CELSR1: variants seen among roughly 807,000 people sequenced by gnomAD.
CELSR1 encodes the protein adhesion G protein-coupled receptor C1.
A neutral mutation model predicts 249.1 loss-of-function variants in CELSR1; 110 were observed. The ratio of observed to expected loss-of-function variants is 0.44; its 90% CI spans 0.38 to 0.52. The LOEUF (loss-of-function observed/expected upper bound fraction) is 0.52, where lower values mean the gene tolerates loss of function less well. Ranked by LOEUF, CELSR1 falls within the 20% of genes least tolerant of loss-of-function variation. The probability of loss-of-function intolerance (pLI) is 0.00; values close to 1 mark genes in which losing one functional copy is unlikely to be tolerated. For missense variants in CELSR1, 4,109 were observed against 4,296.4 expected, an observed-to-expected ratio of 0.96 and a Z score of 1.22; for synonymous variants, 2,113 against 1,900.0, an observed-to-expected ratio of 1.11 and a Z score of -2.92.
At chr22:46,400,194 G>A (rs2079196274) in intron 9 of CELSR1, among the ~76,000 whole-genome samples, 1 of 151,322 alleles carries the variant, frequency 6.6e-6, no homozygotes, top group Admixed American at 6.6e-5. Context: ...GCTAGGTGTG[G>A]TGGTAGGTGC....
rs955718288 is a variant in CELSR1 at position 46,468,823 on chromosome 22, C to T, written c.3545-4478G>A. ...AGTCTCAGTGGCTCACGTCTGAAAT[C>T]CCAGCACTTTGGGAGGCCGAGGCGG... On this transcript the variant is annotated intron_variant, in intron 1 of 34. Transcript: ENST00000674500. The surrounding 1 kb of genome is among the most constrained non-coding windows in gnomAD (Gnocchi z 4.5). 6.6e-5 allele frequency among the ~76,000 whole-genome samples: 10 copies of T among 152,126 alleles called. No homozygotes were observed. The highest frequency in any genetic ancestry group is 2.2e-4 in the African/African-American group (9 of 41,434).
rs1047188281 is a variant in CELSR1 at position 46,417,199 on chromosome 22, C to A, written c.4612-5440G>T. ...GCCCCAGGAAATGTGGGCAAGACCC[C>A]GTGCCAGTTCTGGCATGGAGACGAC... On this transcript the variant is annotated intron_variant, in intron 5 of 34. Transcript: ENST00000674500. The surrounding 1 kb of genome is among the most constrained non-coding windows in gnomAD (Gnocchi z 4.1). Among the ~76,000 whole-genome samples the A allele has an allele frequency of 6.6e-6, 1 of 152,210 alleles. No homozygotes were observed. The highest frequency in any genetic ancestry group is 1.5e-5 in the Non-Finnish European group (1 of 68,034).
intron 1 of CELSR1, among the ~76,000 whole-genome samples, chr22:46,466,692 A>G (rs748142223): frequency 1.4e-4 from 22 of 152,350 alleles, no homozygotes; most frequent in Non-Finnish European, 2.9e-4. Context: ...CAGTCGACTC[A>G]TAGACCAACC....
Position 46,390,456 on chromosome 22 carries a change from T to C in CELSR1, c.6281A>G (p.Lys2094Arg). Residue 2094 changes from lysine to arginine, a missense_variant, in exon 17 of 35, where the codon AAG (lysine) becomes AGG (arginine). By Grantham distance (26) the Lys-to-Arg change is conservative (BLOSUM62 2). Coordinates refer to ENST00000674500, the MANE Select transcript of CELSR1 (RefSeq NM_001378328.1). The surrounding 1 kb of genome is among the most constrained non-coding windows in gnomAD (Gnocchi z 6.3). ...AAAGAGCTCTGGGGGCAGCCAGCCCTTCTCCCCGCTGCAGTGTCGGACCGC... is the reference window on the plus strand; with the variant it reads ...AAAGAGCTCTGGGGGCAGCCAGCCCCTCTCCCCGCTGCAGTGTCGGACCGC... ...GNAVRHCSGE[K>R]GWLPPELFNC... The C allele has an allele frequency of 1.9e-6, 3 of 1,613,930 alleles. No individual in the cohort carries two copies. The highest frequency in any genetic ancestry group is 2.5e-6 in the Non-Finnish European group (3 of 1,179,956).
rs757431212 is a variant in CELSR1 at position 46,374,158 on chromosome 22, G to C, written c.7585-1101C>G. 6.6e-6 allele frequency among the ~76,000 whole-genome samples: 1 copy of C among 152,230 alleles called. No individual in the cohort carries two copies. The highest frequency in any genetic ancestry group is 2.1e-4 in the South Asian group (1 of 4,836). On this transcript the variant is annotated intron_variant, in intron 24 of 34. Coordinates refer to ENST00000674500, the MANE Select transcript of CELSR1 (RefSeq NM_001378328.1). This position sits in a 1 kb window ranked among gnomAD's most constrained non-coding sequence, Gnocchi z 4.3. The stretch of plus-strand genomic sequence containing the variant: ...GACTGTGGCCTCGGTCAGGAAAGGA[G>C]GCGCGAGCGTGTGGCTGGAGAACTC...
chr22:46,468,721 G>T lies in CELSR1; in HGVS notation c.3545-4376C>A, dbSNP rs775388288. Among the ~76,000 whole-genome samples the T allele has an allele frequency of 3.3e-5, 5 of 152,188 alleles. No individual in the cohort carries two copies. Among genetic ancestry groups the T allele is most frequent in the Non-Finnish European group, 7.3e-5 (5 of 68,044 alleles). On this transcript the variant is annotated intron_variant, in intron 1 of 34. Coordinates refer to ENST00000674500, the MANE Select transcript of CELSR1 (RefSeq NM_001378328.1). This position sits in a 1 kb window ranked among gnomAD's most constrained non-coding sequence, Gnocchi z 4.5. ...CAAAGCTAATGTGCTTAATGCCACAGAACCACACACTTAAAAATGGTTAAA... is the reference window on the plus strand; with the variant it reads ...CAAAGCTAATGTGCTTAATGCCACATAACCACACACTTAAAAATGGTTAAA...
chr22:46,515,477 G>C (rs1030138405), intron 1 of CELSR1, among the ~76,000 whole-genome samples: 26 of 152,172 alleles, frequency 1.7e-4, no homozygotes, highest in Non-Finnish European at 3.5e-4. Context: ...ACAGAAAATA[G>C]GAAAGCATGA....
rs758369104 is a variant in CELSR1 at position 46,397,537 on chromosome 22, TATAAA to T, written c.5701+132_5701+136del. On this transcript the variant is annotated intron_variant, in intron 12 of 34. Transcript: ENST00000674500. Reference sequence around the variant, plus strand: ...CTCTCTCTAGGAGGGGCCCGCTTGTTATAAAATAAAGCTCAGGGCTCCACGGAACC... The same window carrying T: ...CTCTCTCTAGGAGGGGCCCGCTTGTTATAAAGCTCAGGGCTCCACGGAACC... 3.3e-4 allele frequency: 258 copies of T among 792,436 alleles called. 2 individuals carry two copies. The highest frequency in any genetic ancestry group is 7.9e-4 in the Middle Eastern group (2 of 2,546). 49.1% of individuals were successfully genotyped at this position (792,436 alleles called of 1,614,324 possible).
chr22:46,370,437 G>A (rs905107643), intron 25 of CELSR1, among the ~76,000 whole-genome samples: 2 of 151,668 alleles, frequency 1.3e-5, no homozygotes, highest in Admixed American at 6.6e-5. Context: ...ACACACCCCC[G>A]AAACTGCCTC....
In CELSR1 at chr22:46,436,405, G is replaced by A; in HGVS notation, c.4407-116C>T. 1 of 675,006 alleles carries A rather than the reference G, an allele frequency of 1.5e-6. No individual in the cohort carries two copies. The highest frequency in any genetic ancestry group is 2.6e-6 in the Non-Finnish European group (1 of 381,282). The allele number at this position is 675,006 out of a possible 1,614,324, so 41.8% of individuals were successfully genotyped here. On this transcript the variant is annotated intron_variant, in intron 3 of 34. Coordinates refer to ENST00000674500, the MANE Select transcript of CELSR1 (RefSeq NM_001378328.1). The surrounding 1 kb of genome is among the most constrained non-coding windows in gnomAD (Gnocchi z 5.9). ...GCACGTGGGGCTACGATTCAGGAAA[G>A]AATGGTGTCAGGCATGCGTCCTTCT... is the stretch of plus-strand genomic sequence containing the variant.
chr22:46,535,014 C>T lies in CELSR1; in HGVS notation c.2157G>A (p.Val719=). The T allele has an allele frequency of 1.2e-6, 2 of 1,612,384 alleles. No homozygotes were observed. Among genetic ancestry groups the T allele is most frequent in the East Asian group, 4.5e-5 (2 of 44,860 alleles). ...LQARDRDANS[V]ITYQLTGGNT... ...TGCCGCCTGTGAGCTGGTAGGTAAT[C>T]ACACTGTTGGCGTCACGGTCGCGGG... is the stretch of plus-strand genomic sequence containing the variant. Residue 719 remains valine (V), a synonymous_variant, in exon 1 of 35, where the codon GTG becomes GTA. Coordinates refer to ENST00000674500, the MANE Select transcript of CELSR1 (RefSeq NM_001378328.1).
intron 2 of CELSR1, 21 bp from the exon 3 acceptor site, chr22:46,439,432 G>A (rs1464153254): frequency 8.2e-6 from 13 of 1,594,320 alleles, no homozygotes; most frequent in African/African-American, 1.3e-5. Context: ...AGAGGAAGAT[G>A]CCAGAGAGGA....
Position 46,378,620 on chromosome 22 carries a change from C to T in CELSR1, c.7354G>A (p.Ala2452Thr). The change falls in exon 23 of 35, where the codon GCG becomes ACG. Residue 2452 changes from alanine to threonine, a missense_variant. This residue lies in a region of CELSR1 where 1,805 missense variants were observed against 1,831.6 expected (regional missense o/e 0.99). Transcript: ENST00000674500. ...ACQCSHTASF[A>T]VLMDISRREN... ...CGCCTGGAGATATCCATGAGCACCG[C>T]AAAGCTGGCTGTGTGGCTGCACTGG... 2 of 1,594,644 alleles carry T rather than the reference C, an allele frequency of 1.3e-6. No individual in the cohort carries two copies. Among genetic ancestry groups the T allele is most frequent in the East Asian group, 4.5e-5 (2 of 44,178 alleles).
intron 25 of CELSR1, 155 bp from the exon 26 acceptor site, chr22:46,369,959 C>G: frequency 1.4e-6 from 1 of 694,298 alleles, no homozygotes; most frequent in Non-Finnish European, 2.6e-6. Context: ...CAGGGCCCCT[C>G]CAAGCACAGT....
chr22:46,499,808 G>A (rs926879223), intron 1 of CELSR1, among the ~76,000 whole-genome samples: 11 of 151,968 alleles, frequency 7.2e-5, no homozygotes, highest in East Asian at 3.9e-4. Flanking sequence ...GCCATTAGGC[G>A]CTGGCCCGGG....
chr22:46,390,445 G>A lies in CELSR1; in HGVS notation c.6292C>T (p.Pro2098Ser), dbSNP rs755161995. ...GTGGTACAGTTAAAGAGCTCTGGGG[G>A]CAGCCAGCCCTTCTCCCCGCTGCAG... is the stretch of plus-strand genomic sequence containing the variant. ...RHCSGEKGWL[P>S]PELFNCTTIS... The change falls in exon 17 of 35, where the codon CCC becomes TCC. Residue 2098 changes from proline (P) to serine (S), a missense_variant. Physicochemically the swap from Pro to Ser is moderately conservative, Grantham distance 74. Coordinates refer to ENST00000674500, the MANE Select transcript of CELSR1 (RefSeq NM_001378328.1). The surrounding 1 kb of genome is among the most constrained non-coding windows in gnomAD (Gnocchi z 6.3). The A allele has an allele frequency of 1.2e-6, 2 of 1,613,926 alleles. No individual in the cohort carries two copies. The highest frequency in any genetic ancestry group is 1.7e-5 in the Admixed American group (1 of 60,002).
At chr22:46,444,359 T>A (rs1227855294) in intron 2 of CELSR1, among the ~76,000 whole-genome samples, 1 of 152,192 alleles carries the variant, frequency 6.6e-6, no homozygotes, top group Non-Finnish European at 1.5e-5. Context: ...TGGCCCCCGA[T>A]ATCCTCAGGC....
Position 46,482,338 on chromosome 22 carries a change from G to C in CELSR1, c.3545-17993C>G, listed in dbSNP as rs578261315. On this transcript the variant is annotated intron_variant, in intron 1 of 34. Transcript: ENST00000674500. ...GACAGAGGAAGTCAGGGGATTCTAT[G>C]CTGCTGGCCCTGAAGACAGAGGAAG... Among the ~76,000 whole-genome samples, 5 of 152,258 alleles carry C rather than the reference G, an allele frequency of 3.3e-5. No individual in the cohort carries two copies. The South Asian group carries it at 1.0e-3, about 32-fold the overall frequency.
chr22:46,440,495 G>A lies in CELSR1; in HGVS notation c.4184-1084C>T, dbSNP rs1044072174. On this transcript the variant is annotated intron_variant, in intron 2 of 34. Transcript: ENST00000674500. The surrounding 1 kb of genome is among the most constrained non-coding windows in gnomAD (Gnocchi z 4.7). ...ATTACAGGCGTGAGCCACCGCGCCC[G>A]GCCAGTATGATCAATCTTTAAAATA... Among the ~76,000 whole-genome samples the A allele has an allele frequency of 7.9e-5, 12 of 152,144 alleles. No individual in the cohort carries two copies. Among genetic ancestry groups the A allele is most frequent in the South Asian group, 4.1e-4 (2 of 4,824 alleles).
Sources: gnomAD v4.1 joint callset for allele counts (sites outside exome capture counted in the v4.1 genomes callset) on GRCh38, gnomAD v4.1.1 for gene constraint, gnomAD v4.1.1 regional missense constraint, Gnocchi (gnomAD v3.1) non-coding constraint, MANE v1.5 for transcripts, NCBI Gene and HGNC (gene_info 2026-07-23, HGNC 2026-07-21) for gene names.